Variants in ALG1L2 observed in about 807,000 individuals in gnomAD.
The protein encoded by ALG1L2 is ALG1 chitobiosyldiphosphodolichol beta-mannosyltransferase like 2, also known as putative glycosyltransferase ALG1L2.
In ALG1L2, 32 loss-of-function variants were observed where a neutral mutation model predicts 29.0. The observed-to-expected ratio is 1.10, with a 90% confidence interval of 0.83 to 1.48. The LOEUF is 1.48. Ranked by LOEUF, ALG1L2 falls within the 40% of genes most tolerant of loss-of-function variation. The pLI, the probability that ALG1L2 is intolerant of heterozygous loss-of-function variation, is 0.00. For missense variants in ALG1L2, 318 were observed against 274.1 expected, an observed-to-expected ratio of 1.16 and a Z score of -1.13; for synonymous variants, 110 against 109.5, an observed-to-expected ratio of 1.00 and a Z score of -0.03.
At chr3:130,088,122 T>C (rs1271977424) in intron 1 of ALG1L2, among the ~76,000 whole-genome samples, 2 of 152,282 alleles carry the variant, frequency 1.3e-5, no homozygotes, top group African/African-American at 4.8e-5. Flanking sequence ...TCTTGGTCCT[T>C]CCACTAATAA....
In ALG1L2 at chr3:130,088,007, A is replaced by C. The variant is rs1249160975; in HGVS notation, c.21-3254A>C. 5.9e-5 allele frequency among the ~76,000 whole-genome samples: 9 copies of C among 152,424 alleles called. No individual in the cohort carries two copies. In the East Asian group the frequency reaches 1.7e-3, roughly 29 times the overall value. ...CTTTAGTGTCATTGGGTTGACAGGA[A>C]AGTTCTAGGCTGGGGACTTTCTGAG... is the stretch of plus-strand genomic sequence containing the variant. On this transcript the variant is annotated intron_variant, in intron 1 of 7. Transcript: ENST00000425059.
intron 1 of ALG1L2, among the ~76,000 whole-genome samples, chr3:130,087,327 G>A (rs550565166): frequency 8.7e-5 from 13 of 149,284 alleles, no homozygotes; most frequent in Admixed American, 8.1e-4. Context: ...TCAAATAACC[G>A]TCTTGCGTTC....
At chr3:130,092,341 G>A in intron 3 of ALG1L2, 119 bp downstream of exon 3, 9 of 1,597,120 alleles carry the variant, frequency 5.6e-6, no homozygotes, top group Non-Finnish European at 7.7e-6. Flanking sequence ...GTGAGAAGGG[G>A]AGGGCGTGTG....
At chr3:130,086,446 C>T in intron 1 of ALG1L2, among the ~76,000 whole-genome samples, 1 of 150,632 alleles carries the variant, frequency 6.6e-6, no homozygotes, top group Non-Finnish European at 1.5e-5. Flanking sequence ...GCGGGAGGAT[C>T]CCTTGAAGCC....
chr3:130,096,177 C>A lies in ALG1L2; in HGVS notation c.539+14C>A. The stretch of plus-strand genomic sequence containing the variant: ...GAACTTCAAGTGGTAGGAGCAGAAC[C>A]CGAATTTTTTCTGGGGATAGCTTCA... On this transcript the variant is annotated intron_variant, in intron 6 of 7. Transcript: ENST00000425059. The A allele has an allele frequency of 6.2e-7, 1 of 1,611,192 alleles. No homozygotes were observed. Among genetic ancestry groups the A allele is most frequent in the Non-Finnish European group, 8.5e-7 (1 of 1,179,506 alleles).
At chr3:130,088,753 A>C (rs1239995086) in intron 1 of ALG1L2, among the ~76,000 whole-genome samples, 1 of 152,280 alleles carries the variant, frequency 6.6e-6, no homozygotes, top group Non-Finnish European at 1.5e-5. Context: ...GCTCCCCTGC[A>C]CAACTCTCTT....
chr3:130,094,357 A>T (rs748312174), intron 4 of ALG1L2, 46 bp from the exon 5 acceptor site: 11 of 1,575,258 alleles, frequency 7.0e-6, no homozygotes, highest in Admixed American at 1.7e-5. Flanking sequence ...GCTATGTGGC[A>T]GGGACAGAGA....
chr3:130,092,050 G>T, intron 2 of ALG1L2, 51 bp from the exon 3 acceptor site: 1 of 1,603,454 alleles, frequency 6.2e-7, no homozygotes, highest in South Asian at 1.1e-5. Flanking sequence ...CCCGTTCTGG[G>T]TCCTGGGCCT....
rs1489888680 is a variant in ALG1L2 at position 130,081,975 on chromosome 3, G to A, written c.-42G>A. Reference sequence around the variant, plus strand: ...GCTGTCACAGAGGCTGGAGAAATAAGCAGTTCCTTGCTAAGAAGTCTGAAT... The same window carrying A: ...GCTGTCACAGAGGCTGGAGAAATAAACAGTTCCTTGCTAAGAAGTCTGAAT... On this transcript the variant is annotated 5_prime_UTR_variant, in exon 1 of 8. Transcript: ENST00000425059. The A allele has an allele frequency of 1.4e-6, 2 of 1,444,158 alleles. No individual in the cohort carries two copies. Among genetic ancestry groups the A allele is most frequent in the African/African-American group, 2.8e-5 (2 of 72,520 alleles). The allele number at this position is 1,444,158 out of a possible 1,614,324, so 89.5% of individuals were successfully genotyped here.
At chr3:130,095,123 G>A (rs948883007) in intron 5 of ALG1L2, among the ~76,000 whole-genome samples, 1 of 152,120 alleles carries the variant, frequency 6.6e-6, no homozygotes, top group African/African-American at 2.4e-5. Flanking sequence ...TGCCTCCTGG[G>A]TTCAAGCAAT....
chr3:130,085,427 G>A (rs563775023), intron 1 of ALG1L2, among the ~76,000 whole-genome samples: 6 of 107,800 alleles, frequency 5.6e-5, no homozygotes, highest in African/African-American at 1.8e-4. Flanking sequence ...AATAGAGATA[G>A]GAGTCTCCCT....
intron 1 of ALG1L2, among the ~76,000 whole-genome samples, chr3:130,085,984 T>C (rs73866086): frequency 0.016 from 2,384 of 150,988 alleles, 2 homozygotes; most frequent in African/African-American, 0.054. Flanking sequence ...GACATACTGA[T>C]GGCAGTGAGG....
In ALG1L2 at chr3:130,082,115, C is replaced by A. The variant is rs560384386; in HGVS notation, c.20+79C>A. ...GCCTGCGTCTGATAGACTGGAGAGA[C>A]CCTTGAAGAAATCAGGGTACAGGCA... On this transcript the variant is annotated intron_variant, in intron 1 of 7. Transcript: ENST00000425059. The A allele has an allele frequency of 2.4e-5, 35 of 1,458,366 alleles. No homozygotes were observed. In the East Asian group the frequency reaches 5.4e-4, roughly 23 times the overall value. 90.3% of individuals were successfully genotyped at this position (1,458,366 alleles called of 1,614,324 possible).
At chr3:130,092,722 C>T (rs1314941377) in intron 3 of ALG1L2, among the ~76,000 whole-genome samples, 1 of 152,180 alleles carries the variant, frequency 6.6e-6, no homozygotes, top group Non-Finnish European at 1.5e-5. Flanking sequence ...GGGACTCTGG[C>T]TACTGTTTAT....
intron 7 of ALG1L2, 123 bp downstream of exon 7, chr3:130,097,373 G>A: frequency 6.9e-7 from 1 of 1,442,928 alleles, no homozygotes; most frequent in Non-Finnish European, 9.2e-7. Flanking sequence ...GGAAAAGCTA[G>A]GGAGGGAGCA....
chr3:130,094,988 C>A lies in ALG1L2; in HGVS notation c.424+475C>A, dbSNP rs1232888728. On this transcript the variant is annotated intron_variant, in intron 5 of 7. Transcript: ENST00000425059. ...TCTCTAGAGCCACATCTTCCAGCTTCGAGTGAGCAGAGCTGTTGGAGGCTG... is the reference window on the plus strand; with the variant it reads ...TCTCTAGAGCCACATCTTCCAGCTTAGAGTGAGCAGAGCTGTTGGAGGCTG... Among the ~76,000 whole-genome samples the A allele has an allele frequency of 2.0e-5, 3 of 152,204 alleles. No individual in the cohort carries two copies. In the East Asian group the frequency reaches 5.8e-4, roughly 29 times the overall value.
At chr3:130,089,347 G>T (rs907245401) in intron 1 of ALG1L2, 1 of 152,280 alleles carries the variant, frequency 6.6e-6, no homozygotes, top group African/African-American at 2.4e-5. Context: ...CCTCTGCCCT[G>T]CCCTAGACTC....
In ALG1L2 at chr3:130,092,089, C is replaced by G; in HGVS notation, c.132-12C>G. 1 of 1,613,094 alleles carries G rather than the reference C, an allele frequency of 6.2e-7. No homozygotes were observed. The highest frequency in any genetic ancestry group is 2.2e-5 in the East Asian group (1 of 44,860). On this transcript the variant is annotated splice_polypyrimidine_tract_variant and intron_variant, in intron 2 of 7. Coordinates refer to ENST00000425059, the MANE Select transcript of ALG1L2 (RefSeq NM_001136152.1). ...CTGTGGCCTCTCACAGGGTTTTTTT[C>G]TGCTCCTTCAGCTCAGAACCTGAGG...
Position 130,096,114 on chromosome 3 carries a change from G to T in ALG1L2, c.490G>T (p.Val164Leu), listed in dbSNP as rs748693765. 6.2e-7 allele frequency: 1 copy of T among 1,611,994 alleles called. No homozygotes were observed. Among genetic ancestry groups the T allele is most frequent in the South Asian group, 1.1e-5 (1 of 90,984 alleles). Reference protein sequence around the residue: ...SSGLDLPMKVVDMFRCCLPAC... With the variant: ...SSGLDLPMKVLDMFRCCLPAC... ...TGGCCTGGACCTGCCCATGAAGGTG[G>T]TGGACATGTTCAGGTGCTGTTTGCC... The change falls in exon 6 of 8, where the codon GTG (valine) becomes TTG (leucine). Residue 164 changes from valine (V) to leucine (L), a missense_variant. Coordinates refer to ENST00000425059, the MANE Select transcript of ALG1L2 (RefSeq NM_001136152.1).
Sources: allele counts gnomAD v4.1 joint callset (sites outside exome capture counted in the v4.1 genomes callset), GRCh38; gene constraint gnomAD v4.1.1; transcripts MANE v1.5; gene names NCBI Gene and HGNC (gene_info 2026-07-23, HGNC 2026-07-21).